Variants in ZNF385B observed in about 807,000 individuals in gnomAD.
ZNF385B encodes the protein zinc finger protein 385B.
A neutral mutation model predicts 39.2 loss-of-function variants in ZNF385B; 23 were observed. The ratio of observed to expected loss-of-function variants is 0.59; its 90% CI spans 0.42 to 0.83. The LOEUF is 0.83. Among genes scored for constraint, ZNF385B ranks in the 40% least tolerant of loss-of-function variants. The pLI is 0.00. For missense variants in ZNF385B, 552 were observed against 598.9 expected, an observed-to-expected ratio of 0.92 and a Z score of 0.82; for synonymous variants, 205 against 222.6, an observed-to-expected ratio of 0.92 and a Z score of 0.70.
At chr2:179,773,164 T>C (rs1403739103) in intron 1 of ZNF385B, among the ~76,000 whole-genome samples, 1 of 152,154 alleles carries the variant, frequency 6.6e-6, no homozygotes, top group East Asian at 1.9e-4. Flanking sequence ...TCCAATTGTT[T>C]TCTATAATAA....
intron 3 of ZNF385B, among the ~76,000 whole-genome samples, chr2:179,597,770 A>G (rs12466467): frequency 0.014 from 2,174 of 152,338 alleles, 58 homozygotes; most frequent in Admixed American, 0.057. Context: ...TACAGTCAGA[A>G]AAAGAAAGAT....
intron 6 of ZNF385B, among the ~76,000 whole-genome samples, chr2:179,458,219 C>T (rs1368916545): frequency 6.6e-6 from 1 of 152,126 alleles, no homozygotes; most frequent in African/African-American, 2.4e-5. Flanking sequence ...GTAATTGAAT[C>T]ACGTGGGCAG....
intron 6 of ZNF385B, among the ~76,000 whole-genome samples, chr2:179,477,607 C>T (rs184020085): frequency 6.6e-6 from 1 of 152,204 alleles, no homozygotes; most frequent in East Asian, 1.9e-4. Flanking sequence ...CTCAAGAGTA[C>T]CCCTTTGGAG....
chr2:179,733,777 C>G, intron 3 of ZNF385B, among the ~76,000 whole-genome samples: 1 of 104,484 alleles, frequency 9.6e-6, no homozygotes, highest in Non-Finnish European at 1.8e-5. Context: ...AGCGAGACTC[C>G]GTCTCAAAAA....
intron 3 of ZNF385B, among the ~76,000 whole-genome samples, chr2:179,627,899 C>A (rs1690817174): frequency 6.6e-6 from 1 of 151,988 alleles, no homozygotes; most frequent in Non-Finnish European, 1.5e-5. Flanking sequence ...TGTCTCTTTG[C>A]CTACCATGAA....
intron 3 of ZNF385B, among the ~76,000 whole-genome samples, chr2:179,687,045 C>T (rs1697977883): frequency 6.6e-6 from 1 of 150,606 alleles, no homozygotes; most frequent in Admixed American, 6.7e-5. Context: ...ACTCATCTTC[C>T]ACAAAATTAT....
At chr2:179,667,051 T>C (rs1575148853) in intron 3 of ZNF385B, among the ~76,000 whole-genome samples, 1 of 152,208 alleles carries the variant, frequency 6.6e-6, no homozygotes, top group African/African-American at 2.4e-5. Flanking sequence ...ACATTTCTTA[T>C]ATTAATTAAC....
At chr2:179,663,180 A>G (rs1421120030) in intron 3 of ZNF385B, among the ~76,000 whole-genome samples, 1 of 152,212 alleles carries the variant, frequency 6.6e-6, no homozygotes. Flanking sequence ...CACATATTTA[A>G]GTTATTGTTT....
At chr2:179,712,464 G>A (rs763384490) in intron 3 of ZNF385B, among the ~76,000 whole-genome samples, 14 of 152,248 alleles carry the variant, frequency 9.2e-5, no homozygotes, top group East Asian at 3.9e-4. Flanking sequence ...TACAGACACC[G>A]TCCTTGATAT....
At chr2:179,488,004 C>T (rs565906861) in intron 5 of ZNF385B, among the ~76,000 whole-genome samples, 10 of 152,180 alleles carry the variant, frequency 6.6e-5, no homozygotes, top group Admixed American at 2.0e-4. Context: ...CTCAAATCCT[C>T]TGAATTTCTT....
At chr2:179,563,471 C>A (rs1684175005) in intron 3 of ZNF385B, among the ~76,000 whole-genome samples, 1 of 152,128 alleles carries the variant, frequency 6.6e-6, no homozygotes, top group African/African-American at 2.4e-5. Context: ...TAACCACAGC[C>A]AACACTTTAG....
intron 3 of ZNF385B, among the ~76,000 whole-genome samples, chr2:179,699,795 G>A (rs1352986936): frequency 1.3e-5 from 2 of 152,198 alleles, no homozygotes; most frequent in East Asian, 1.9e-4. Flanking sequence ...ATATATTTGT[G>A]AGTAGATGAA....
intron 1 of ZNF385B, among the ~76,000 whole-genome samples, chr2:179,798,843 T>C (rs1399754009): frequency 2.0e-5 from 3 of 152,112 alleles, no homozygotes; most frequent in Non-Finnish European, 4.4e-5. Flanking sequence ...CATTTAATAT[T>C]GTTTTATAAT....
At chr2:179,774,366 T>G (rs928172364) in intron 1 of ZNF385B, among the ~76,000 whole-genome samples, 1 of 151,922 alleles carries the variant, frequency 6.6e-6, no homozygotes, top group Non-Finnish European at 1.5e-5. Context: ...GTTTTCTTTT[T>G]TTTGTTTGTT....
At chr2:179,782,397 G>T (rs950520866) in intron 1 of ZNF385B, among the ~76,000 whole-genome samples, 8 of 152,050 alleles carry the variant, frequency 5.3e-5, no homozygotes, top group African/African-American at 1.9e-4. Context: ...GGCAAAAGCT[G>T]GAAGCATTCT....
chr2:179,742,501 T>C (rs1280101588), intron 3 of ZNF385B, among the ~76,000 whole-genome samples: 1 of 152,090 alleles, frequency 6.6e-6, no homozygotes, highest in Admixed American at 6.6e-5. Flanking sequence ...ATATTATTTA[T>C]TGTTTTAGCT....
chr2:179,658,697 A>G (rs1203730602), intron 3 of ZNF385B, among the ~76,000 whole-genome samples: 1 of 152,208 alleles, frequency 6.6e-6, no homozygotes, highest in Non-Finnish European at 1.5e-5. Flanking sequence ...ATACACTGAA[A>G]AGTAAAAGTA....
intron 1 of ZNF385B, among the ~76,000 whole-genome samples, chr2:179,841,718 C>G (rs1197925538): frequency 6.6e-6 from 1 of 152,160 alleles, no homozygotes; most frequent in African/African-American, 2.4e-5. Context: ...GGCAAAATCT[C>G]CATTGAGAGC....
intron 3 of ZNF385B, among the ~76,000 whole-genome samples, chr2:179,662,272 A>G (rs1232842618): frequency 1.3e-5 from 2 of 152,186 alleles, no homozygotes; most frequent in African/African-American, 2.4e-5. Flanking sequence ...ATCCTTCTGA[A>G]TAGAAATATC....
Sources: gnomAD v4.1 joint callset for allele counts (sites outside exome capture counted in the v4.1 genomes callset) on GRCh38, gnomAD v4.1.1 for gene constraint, MANE v1.5 for transcripts, NCBI Gene and HGNC (gene_info 2026-07-23, HGNC 2026-07-21) for gene names.